USH2A: variants seen among roughly 807,000 people sequenced by gnomAD.
The protein encoded by USH2A is usherin, also known as Usher syndrome 2A (autosomal recessive, mild).
USH2A carries 443 observed loss-of-function variants against 538.9 expected under a neutral mutation model. That is an observed-to-expected ratio of 0.82 (90% confidence interval 0.76 to 0.89). The LOEUF (loss-of-function observed/expected upper bound fraction) is 0.89, where lower values mean the gene tolerates loss of function less well. Among genes scored for constraint, USH2A ranks in the 40% least tolerant of loss-of-function variants. USH2A has a pLI of 0.00. For synonymous variants in USH2A, 2,413 were observed against 2,273.5 expected, an observed-to-expected ratio of 1.06 and a Z score of -1.75; for missense variants, 6,633 against 6,324.8, an observed-to-expected ratio of 1.05 and a Z score of -1.65.
rs867127725 is a variant in USH2A at position 216,190,266 on chromosome 1, A to G, written c.4353T>C (p.Gly1451=). The change falls in exon 20 of 72, where the codon GGT becomes GGC. Residue 1451 remains glycine (G), a synonymous_variant. Coordinates refer to ENST00000307340, the MANE Select transcript of USH2A (RefSeq NM_206933.4). ...CTGCTCCCGAAGCACTGGTCACACA[A>G]CCAACTGAATTGCAGAGAGTAATAG... The part of the protein sequence containing the change: ...EFTITLCNSV[G]CVTSASGAGQ... 9 of 1,612,614 alleles carry G rather than the reference A, an allele frequency of 5.6e-6. No homozygotes were observed. Among genetic ancestry groups the G allele is most frequent in the African/African-American group, 5.3e-5 (4 of 74,942 alleles).
At chr1:215,728,409 C>G in intron 60 of USH2A, 25 bp from the exon 61 acceptor site, 1 of 1,607,138 alleles carries the variant, frequency 6.2e-7, no homozygotes, top group Non-Finnish European at 8.5e-7. Flanking sequence ...AGCAGGCAAC[C>G]AGTGACAGCT....
chr1:216,055,087 C>G (rs78745545), intron 30 of USH2A, among the ~76,000 whole-genome samples: 2,685 of 151,824 alleles, frequency 0.018, 92 homozygotes, highest in African/African-American at 0.062. Flanking sequence ...TTTTCTTTAT[C>G]TTTATATTCT....
rs758787126 is a variant in USH2A at position 216,192,052 on chromosome 1, G to A, written c.4252-1685C>T. 3.4e-4 allele frequency among the ~76,000 whole-genome samples: 51 copies of A among 152,032 alleles called. No individual in the cohort carries two copies. The Middle Eastern group carries it at 0.01, about 31-fold the overall frequency. The stretch of plus-strand genomic sequence containing the variant: ...TCATGTACATAGAGTCAATTTATAA[G>A]TCTTATAAAATCTATCTAATTGAAA... On this transcript the variant is annotated intron_variant, in intron 19 of 71. Coordinates refer to ENST00000307340, the MANE Select transcript of USH2A (RefSeq NM_206933.4).
Position 215,782,036 on chromosome 1 carries a change from T to TCTTA in USH2A, c.10740+2_10740+5dup. ...TTTTCCCAGAGTTTAGGCAAACTCC[T>TCTTA]CTTACCTTGCTACTGGTGGCACAGC... On this transcript the variant is annotated splice_donor_region_variant and intron_variant, in intron 54 of 71. Transcript: ENST00000307340. 6.2e-7 allele frequency: 1 copy of TCTTA among 1,613,906 alleles called. No individual in the cohort carries two copies. Among genetic ancestry groups the TCTTA allele is most frequent in the Non-Finnish European group, 8.5e-7 (1 of 1,179,804 alleles).
chr1:216,374,191 C>T (rs181316310), intron 3 of USH2A, among the ~76,000 whole-genome samples: 3 of 151,058 alleles, frequency 2.0e-5, no homozygotes, highest in Non-Finnish European at 2.9e-5. Flanking sequence ...CAACATGGCA[C>T]GTGTATACAT....
At chr1:216,209,343 G>A (rs2035188456) in intron 15 of USH2A, among the ~76,000 whole-genome samples, 1 of 152,166 alleles carries the variant, frequency 6.6e-6, no homozygotes, top group Admixed American at 6.5e-5. Context: ...TGTTTGGTGG[G>A]TCCCTCTTAG....
At chr1:216,290,213 AT>A in intron 10 of USH2A, among the ~76,000 whole-genome samples, 1 of 152,324 alleles carries the variant, frequency 6.6e-6, no homozygotes, top group East Asian at 1.9e-4. Flanking sequence ...TGCTCAAAAA[AT>A]ATTGAAATTT....
intron 4 of USH2A, among the ~76,000 whole-genome samples, chr1:216,356,612 T>G (rs1158739245): frequency 6.6e-6 from 1 of 152,096 alleles, no homozygotes; most frequent in Non-Finnish European, 1.5e-5. Context: ...TAATAACACA[T>G]CATGAACCCA....
intron 4 of USH2A, among the ~76,000 whole-genome samples, chr1:216,346,661 T>C (rs759362362): frequency 6.6e-6 from 1 of 151,592 alleles, no homozygotes; most frequent in African/African-American, 2.4e-5. Flanking sequence ...GCTAATTCCC[T>C]CTTTTTGGGA....
intron 66 of USH2A, among the ~76,000 whole-genome samples, chr1:215,648,129 A>G (rs1206169969): frequency 6.6e-6 from 1 of 152,184 alleles, no homozygotes; most frequent in African/African-American, 2.4e-5. Context: ...GTGGTTTATG[A>G]CAATATTTTA....
chr1:215,719,472 G>A (rs1459314456), intron 61 of USH2A, among the ~76,000 whole-genome samples: 2 of 151,698 alleles, frequency 1.3e-5, no homozygotes, highest in Admixed American at 6.6e-5. Flanking sequence ...TGTGGTATCA[G>A]GAAACATGTA....
At chr1:216,185,004 TAAG>T (rs2102650065) in intron 20 of USH2A, among the ~76,000 whole-genome samples, 1 of 152,062 alleles carries the variant, frequency 6.6e-6, no homozygotes, top group South Asian at 2.1e-4. Context: ...TAATTTCTCA[TAAG>T]AAGGGTTTAA....
intron 20 of USH2A, among the ~76,000 whole-genome samples, chr1:216,181,160 G>A (rs1422860951): frequency 4.6e-5 from 7 of 152,080 alleles, no homozygotes; most frequent in African/African-American, 1.7e-4. Flanking sequence ...GAAAATGTAG[G>A]CTCTAGATTG....
intron 55 of USH2A, among the ~76,000 whole-genome samples, chr1:215,778,194 G>T (rs747724107): frequency 6.6e-5 from 10 of 152,062 alleles, no homozygotes; most frequent in Admixed American, 5.2e-4. Flanking sequence ...TGGGATTACA[G>T]ATGCACACCA....
chr1:215,809,964 A>T (rs1662619389), intron 49 of USH2A, among the ~76,000 whole-genome samples: 1 of 152,162 alleles, frequency 6.6e-6, no homozygotes, highest in South Asian at 2.1e-4. Flanking sequence ...CTAGCTAACA[A>T]AGACCACGGG....
At chr1:215,761,240 T>C (rs1660973040) in intron 56 of USH2A, among the ~76,000 whole-genome samples, 1 of 152,208 alleles carries the variant, frequency 6.6e-6, no homozygotes, top group Admixed American at 6.5e-5. Context: ...AATGTTCTCA[T>C]ATGTTCTCAT....
chr1:215,999,176 C>A, intron 33 of USH2A, 118 bp from the exon 34 acceptor site: 1 of 879,794 alleles, frequency 1.1e-6, no homozygotes, highest in Non-Finnish European at 1.8e-6. Context: ...ACATAAATCT[C>A]AAAATTGATT....
chr1:216,126,101 T>C (rs1249352721), intron 21 of USH2A, among the ~76,000 whole-genome samples: 2 of 152,226 alleles, frequency 1.3e-5, no homozygotes, highest in Non-Finnish European at 2.9e-5. Flanking sequence ...AAAGGGTTCC[T>C]TTGATAGTCC....
At chr1:215,814,217 TTA>T (rs1662793000) in intron 48 of USH2A, among the ~76,000 whole-genome samples, 1 of 147,062 alleles carries the variant, frequency 6.8e-6, no homozygotes, top group African/African-American at 2.5e-5. Flanking sequence ...AATTTTAATT[TTA>T]TATAATAAAA....
Sources: allele counts gnomAD v4.1 joint callset (sites outside exome capture counted in the v4.1 genomes callset), GRCh38; gene constraint gnomAD v4.1.1; transcripts MANE v1.5; gene names NCBI Gene and HGNC (gene_info 2026-07-23, HGNC 2026-07-21).